The following PIK3R1 variants were observed in gnomAD, a reference collection of about 807,000 sequenced individuals.
PIK3R1 encodes phosphoinositide-3-kinase regulatory subunit 1, also known as phosphatidylinositol 3-kinase regulatory subunit alpha.
A neutral mutation model predicts 98.0 loss-of-function variants in PIK3R1; 29 were observed. That is an observed-to-expected ratio of 0.30 (90% confidence interval 0.22 to 0.40). The LOEUF is 0.40. Among genes scored for constraint, PIK3R1 ranks in the 10% least tolerant of loss-of-function variants. The pLI, the probability that PIK3R1 is intolerant of heterozygous loss-of-function variation, is 1.00. For missense variants in PIK3R1, 596 were observed against 872.7 expected (o/e 0.68, Z 3.99); for synonymous variants, 282 against 311.8 (o/e 0.90, Z 1.01).
Position 68,299,704 on chromosome 5 carries a change from T to TCAAAAG in PIK3R1, c.*2103_*2104insCAAAAG. 4.3e-6 allele frequency: 1 copy of TCAAAAG among 233,236 alleles called. No individual in the cohort carries two copies. The highest frequency in any genetic ancestry group is 6.0e-5 in the East Asian group (1 of 16,566). The allele number at this position is 233,236 out of a possible 1,614,324, so 14.4% of individuals were successfully genotyped here. On this transcript the variant is annotated 3_prime_UTR_variant, in exon 16 of 16. Coordinates refer to ENST00000521381, the MANE Select transcript of PIK3R1 (RefSeq NM_181523.3). ...CTAGGGTGAGGGTTTTCTGTTACTT[T>TCAAAAG]GTTTTTTAATGTTGTTCCTTTTGAA...
At chr5:68,222,627 G>A (rs745921015) in intron 1 of PIK3R1, among the ~76,000 whole-genome samples, 1 of 152,188 alleles carries the variant, frequency 6.6e-6, no homozygotes, top group Non-Finnish European at 1.5e-5. Flanking sequence ...TTGCATGGCT[G>A]AGATGCTGGG....
chr5:68,241,877 C>T (rs527487714), intron 2 of PIK3R1, among the ~76,000 whole-genome samples: 41 of 152,372 alleles, frequency 2.7e-4, no homozygotes, highest in African/African-American at 8.9e-4. Flanking sequence ...TTTACCCATA[C>T]ACCAGTTACC....
Position 68,223,123 on chromosome 5 carries a change from AATCATCATCATCATCATC to A in PIK3R1, c.-386-3138_-386-3121del, listed in dbSNP as rs60144880. Among the ~76,000 whole-genome samples the A allele has an allele frequency of 4.2e-4, 62 of 148,032 alleles. 1 individual carries two copies. Among genetic ancestry groups the A allele is most frequent in the South Asian group, 4.3e-4 (2 of 4,598 alleles). On this transcript the variant is annotated intron_variant, in intron 1 of 15. Coordinates refer to ENST00000521381, the MANE Select transcript of PIK3R1 (RefSeq NM_181523.3). ...TTGGGAGCTATATGTGTACAAACTC[AATCATCATCATCATCATC>A]ATCATCATCATCATCATCATCATCA...
chr5:68,240,018 G>C, intron 2 of PIK3R1: 1 of 459,846 alleles, frequency 2.2e-6, no homozygotes, highest in Non-Finnish European at 4.4e-6. Context: ...TTAACTTTCA[G>C]TGTAGCCCTC....
intron 7 of PIK3R1, among the ~76,000 whole-genome samples, chr5:68,289,381 G>A (rs188867205): frequency 6.6e-5 from 10 of 152,196 alleles, no homozygotes; most frequent in African/African-American, 7.2e-5. Flanking sequence ...GGACGTCAGA[G>A]AACAGAATGC....
chr5:68,284,583 C>T (rs910544139), intron 7 of PIK3R1, among the ~76,000 whole-genome samples: 11 of 152,194 alleles, frequency 7.2e-5, no homozygotes, highest in African/African-American at 2.7e-4. Context: ...AGGTCCTTCC[C>T]GTTTTATATG....
intron 2 of PIK3R1, among the ~76,000 whole-genome samples, chr5:68,251,290 T>A (rs1745296052): frequency 6.6e-6 from 1 of 152,116 alleles, no homozygotes; most frequent in Non-Finnish European, 1.5e-5. Flanking sequence ...AAAAAAACAC[T>A]TTGCAGCACA....
chr5:68,278,174 T>G (rs1031929974), intron 4 of PIK3R1, among the ~76,000 whole-genome samples: 1 of 152,050 alleles, frequency 6.6e-6, no homozygotes, highest in Non-Finnish European at 1.5e-5. Context: ...TGGTATTGAT[T>G]AGTTTTACCC....
At chr5:68,290,841 C>T (rs1364068233) in intron 7 of PIK3R1, 18 of 1,581,132 alleles carry the variant, frequency 1.1e-5, no homozygotes, top group Admixed American at 1.7e-5. Flanking sequence ...CCAGGTAATA[C>T]TGCAGTATTA....
intron 1 of PIK3R1, among the ~76,000 whole-genome samples, chr5:68,220,052 C>T (rs1744038822): frequency 1.3e-5 from 2 of 152,152 alleles, no homozygotes. Flanking sequence ...TTATCCTAAG[C>T]TCCTATTATC....
intron 8 of PIK3R1, chr5:68,292,820 A>G (rs2112248845): frequency 9.8e-7 from 1 of 1,024,614 alleles, no homozygotes; most frequent in South Asian, 2.0e-5. Context: ...ACTTAGTACC[A>G]CAGATACACC....
intron 2 of PIK3R1, among the ~76,000 whole-genome samples, chr5:68,266,604 A>G (rs186410894): frequency 6.6e-6 from 1 of 152,322 alleles, no homozygotes; most frequent in Admixed American, 6.5e-5. Flanking sequence ...GTGTTTCATA[A>G]CACCCTTATT....
chr5:68,289,759 C>CAAA (rs71305021), intron 7 of PIK3R1, among the ~76,000 whole-genome samples: 2,979 of 51,866 alleles, frequency 0.057, 521 homozygotes, highest in South Asian at 0.1. Context: ...GGGGGAAAAG[C>CAAA]AAAAAAAAAA....
chr5:68,288,664 G>T, intron 7 of PIK3R1: 1 of 1,608,900 alleles, frequency 6.2e-7, no homozygotes, highest in Non-Finnish European at 8.5e-7. Context: ...GGCCCACTTG[G>T]TGGAAGAACA....
Position 68,226,488 on chromosome 5 carries a change from AG to A in PIK3R1, c.-186del. 1 of 558,708 alleles carries A rather than the reference AG, an allele frequency of 1.8e-6. No individual in the cohort carries two copies. 34.6% of individuals were successfully genotyped at this position (558,708 alleles called of 1,614,324 possible). ...CTGTCTTCGGTCACACCATTGATGG[AG>A]GACAGATGGACAGCCGTATGGCCAG... On this transcript the variant is annotated 5_prime_UTR_variant, in exon 2 of 16. An upstream open reading frame in the 5' UTR gains an earlier in-frame stop. Coordinates refer to ENST00000521381, the MANE Select transcript of PIK3R1 (RefSeq NM_181523.3).
intron 2 of PIK3R1, among the ~76,000 whole-genome samples, chr5:68,255,301 G>T (rs374702886): frequency 6.6e-6 from 1 of 152,318 alleles, no homozygotes; most frequent in South Asian, 2.1e-4. Context: ...ATAAAGGGAA[G>T]TTAGTGTTGT....
chr5:68,226,466 T>A lies in PIK3R1; in HGVS notation c.-210T>A. The stretch of plus-strand genomic sequence containing the variant: ...GGCACGCAGAGGAAGTGGAGCCCTG[T>A]CTTCGGTCACACCATTGATGGAGGA... On this transcript the variant is annotated 5_prime_UTR_variant, in exon 2 of 16. Coordinates refer to ENST00000521381, the MANE Select transcript of PIK3R1 (RefSeq NM_181523.3). The A allele has an allele frequency of 1.9e-6, 1 of 525,956 alleles. No homozygotes were observed. Among genetic ancestry groups the A allele is most frequent in the East Asian group, 2.9e-5 (1 of 35,076 alleles). The allele number at this position is 525,956 out of a possible 1,614,324, so 32.6% of individuals were successfully genotyped here.
intron 2 of PIK3R1, among the ~76,000 whole-genome samples, chr5:68,245,529 G>A (rs573757916): frequency 2.2e-4 from 33 of 152,276 alleles, no homozygotes; most frequent in African/African-American, 7.0e-4. Flanking sequence ...TTGGCTAACC[G>A]TTAGTCCTAA....
At chr5:68,288,863 G>A (rs1237504511) in intron 7 of PIK3R1, 1 of 1,059,474 alleles carries the variant, frequency 9.4e-7, no homozygotes, top group African/African-American at 1.6e-5. Context: ...GCTGCCTGGG[G>A]AGGACAGATG....
Sources: allele counts gnomAD v4.1 joint callset (sites outside exome capture counted in the v4.1 genomes callset), GRCh38; gene constraint gnomAD v4.1.1; transcripts MANE v1.5; gene names NCBI Gene and HGNC (gene_info 2026-07-23, HGNC 2026-07-21).